DIXDC1: variants seen among roughly 807,000 people sequenced by gnomAD.
DIXDC1 encodes DIX domain containing 1.
In DIXDC1, 64 loss-of-function variants were observed where a neutral mutation model predicts 103.1. That is an observed-to-expected ratio of 0.62 (90% CI 0.51 to 0.76). DIXDC1 has a LOEUF of 0.76. DIXDC1 is among the 30% of genes least tolerant of loss of function. The probability of loss-of-function intolerance (pLI) is 0.00; values close to 1 mark genes in which losing one functional copy is unlikely to be tolerated. For synonymous variants in DIXDC1, 266 were observed against 298.5 expected (o/e 0.89, Z 1.12); for missense variants, 759 against 834.2 (o/e 0.91, Z 1.11).
intron 1 of DIXDC1, among the ~76,000 whole-genome samples, chr11:111,951,586 A>G (rs1966806444): frequency 6.6e-6 from 1 of 152,212 alleles, no homozygotes; most frequent in Non-Finnish European, 1.5e-5. Flanking sequence ...CCAAAATCAT[A>G]TAGTTTGGCT....
chr11:111,937,245 T>C (rs1966234935), upstream of DIXDC1: 2 of 1,215,266 alleles, frequency 1.6e-6, no homozygotes, highest in Non-Finnish European at 2.0e-6. Flanking sequence ...GCAGCGCCGC[T>C]CAACCTAGTG....
At chr11:112,013,309 C>T (rs1189355221) in intron 17 of DIXDC1, among the ~76,000 whole-genome samples, 3 of 4,248 alleles carry the variant, frequency 7.1e-4, no homozygotes, top group East Asian at 3.9e-3. Flanking sequence ...ATGAAGTTGA[C>T]GGGTCGGGGG....
intron 9 of DIXDC1, among the ~76,000 whole-genome samples, chr11:111,987,869 A>T (rs1344614083): frequency 2.0e-5 from 3 of 151,960 alleles, no homozygotes; most frequent in African/African-American, 7.3e-5. Context: ...TATGTTGGCC[A>T]GGCTTGTCTT....
At chr11:111,970,266 C>T (rs1356719928) in intron 3 of DIXDC1, among the ~76,000 whole-genome samples, 1 of 151,902 alleles carries the variant, frequency 6.6e-6, no homozygotes, top group African/African-American at 2.4e-5. Flanking sequence ...TGTTGGCCAG[C>T]GTGGTCTCGA....
intron 14 of DIXDC1, among the ~76,000 whole-genome samples, chr11:111,994,755 G>C (rs1592609376): frequency 6.6e-6 from 1 of 152,142 alleles, no homozygotes. Context: ...GCAGAGGCTA[G>C]GTTGGGGCCT....
intron 17 of DIXDC1, among the ~76,000 whole-genome samples, chr11:112,013,156 G>C (rs73561936): frequency 6.6e-6 from 1 of 152,042 alleles, no homozygotes; most frequent in Non-Finnish European, 1.5e-5. Flanking sequence ...GTCCTCACAT[G>C]GGGGAGAGAA....
In DIXDC1 at chr11:111,998,448, C is replaced by A. The variant is rs587670414; in HGVS notation, c.1756+2302C>A. Reference sequence around the variant, plus strand: ...TGTCTTTGGCGTCAGGTGACCTCTTCCACTCCCCTGGCTTTAACTACACTT... The same window carrying A: ...TGTCTTTGGCGTCAGGTGACCTCTTACACTCCCCTGGCTTTAACTACACTT... On this transcript the variant is annotated intron_variant, in intron 17 of 19. Coordinates refer to ENST00000440460, the MANE Select transcript of DIXDC1 (RefSeq NM_001037954.4). This position sits in a 1 kb window ranked among gnomAD's most constrained non-coding sequence, Gnocchi z 4.1. Among the ~76,000 whole-genome samples the A allele has an allele frequency of 5.3e-5, 8 of 152,342 alleles. No individual in the cohort carries two copies. The South Asian group carries it at 1.7e-3, about 32-fold the overall frequency.
chr11:111,991,309 A>G (rs1003558557), intron 10 of DIXDC1, among the ~76,000 whole-genome samples: 6 of 152,244 alleles, frequency 3.9e-5, no homozygotes, highest in African/African-American at 1.4e-4. Context: ...GTTGGCCTAA[A>G]AATGATTTAG....
chr11:112,000,024 T>C (rs919030120), intron 17 of DIXDC1, among the ~76,000 whole-genome samples: 1 of 152,098 alleles, frequency 6.6e-6, no homozygotes, highest in African/African-American at 2.4e-5. Flanking sequence ...TAATCCCAGC[T>C]ACTCGGGGGC....
chr11:112,017,858 T>A lies in DIXDC1; in HGVS notation c.1944T>A (p.Asp648Glu). Residue 648 changes from aspartate (D) to glutamate (E), a missense_variant, in exon 19 of 20, where the codon GAT (aspartate) becomes GAA (glutamate). Coordinates refer to ENST00000440460, the MANE Select transcript of DIXDC1 (RefSeq NM_001037954.4). The surrounding 1 kb of genome is among the most constrained non-coding windows in gnomAD (Gnocchi z 4.0). ...ACCGGTATCACTTCAAAGCACTGGA[T>A]CCTGAGTTTGGCACTGTCAAAGAGG... ...GNHRYHFKAL[D>E]PEFGTVKEEI... 1 of 1,610,806 alleles carries A rather than the reference T, an allele frequency of 6.2e-7. No homozygotes were observed. The highest frequency in any genetic ancestry group is 8.5e-7 in the Non-Finnish European group (1 of 1,178,190).
At chr11:111,984,442 A>T (rs1860422574) in intron 7 of DIXDC1, among the ~76,000 whole-genome samples, 1 of 152,158 alleles carries the variant, frequency 6.6e-6, no homozygotes, top group Non-Finnish European at 1.5e-5. Flanking sequence ...AGCTACTAGG[A>T]GGCTGAGACA....
chr11:111,985,474 A>T (rs1181946010), intron 8 of DIXDC1, among the ~76,000 whole-genome samples, 153 bp downstream of exon 8: 1 of 152,132 alleles, frequency 6.6e-6, no homozygotes, highest in Non-Finnish European at 1.5e-5. Flanking sequence ...TTCCTTCTTC[A>T]TTCATTTAAT....
chr11:111,972,752 G>A (rs1859976820), intron 3 of DIXDC1, among the ~76,000 whole-genome samples: 1 of 152,154 alleles, frequency 6.6e-6, no homozygotes, highest in Admixed American at 6.6e-5. Flanking sequence ...AACCACATAG[G>A]TTTCTAATAG....
chr11:111,937,139 G>GGGGGC, upstream of DIXDC1: 12 of 745,894 alleles, frequency 1.6e-5, no homozygotes, highest in Non-Finnish European at 1.8e-5. Flanking sequence ...GGCGGGGGGG[G>GGGGGC]GGTGTGCGCG....
intron 1 of DIXDC1, among the ~76,000 whole-genome samples, chr11:111,929,345 C>T (rs1239202522): frequency 6.6e-6 from 1 of 152,124 alleles, no homozygotes; most frequent in Non-Finnish European, 1.5e-5. Flanking sequence ...AAGGAAAATG[C>T]ATTGTTGCTT....
chr11:111,984,852 C>T (rs1860437550), intron 7 of DIXDC1, among the ~76,000 whole-genome samples: 1 of 152,176 alleles, frequency 6.6e-6, no homozygotes, highest in South Asian at 2.1e-4. Flanking sequence ...TTATAATACT[C>T]ATTTCTAAGC....
rs1555177770 is a variant in DIXDC1, at chr11:112,016,710, CT to C, written c.1777del (p.Ser593LeufsTer33). ...TTGTAGAGTTGCCTCACTCACAGAGCTCTCCAACTGTCAGCAGCACCTGTAC... is the reference window on the plus strand; with the variant it reads ...TTGTAGAGTTGCCTCACTCACAGAGCCTCCAACTGTCAGCAGCACCTGTAC... ...PNSKLPHSQS[S>X]PTVSSTCTKV... On this transcript the variant is annotated frameshift_variant, in exon 18 of 20. Coordinates refer to ENST00000440460, the MANE Select transcript of DIXDC1 (RefSeq NM_001037954.4). LOFTEE classifies it high-confidence loss of function. The C allele has an allele frequency of 6.2e-7, 1 of 1,605,160 alleles. No homozygotes were observed. The highest frequency in any genetic ancestry group is 1.1e-5 in the South Asian group (1 of 89,304).
chr11:111,929,683 CT>C, intron 1 of DIXDC1: 1 of 530,094 alleles, frequency 1.9e-6, no homozygotes, highest in Non-Finnish European at 3.3e-6. Context: ...AACTAGGGTC[CT>C]ATTTCTGATA....
At chr11:111,964,394 T>C (rs890955122) in intron 1 of DIXDC1, among the ~76,000 whole-genome samples, 155 bp from the exon 2 acceptor site, 3 of 152,246 alleles carry the variant, frequency 2.0e-5, no homozygotes, top group Admixed American at 2.0e-4. Context: ...CTGACCATGA[T>C]ATAATCTTTC....
Sources: gnomAD v4.1 joint callset for allele counts (sites outside exome capture counted in the v4.1 genomes callset) on GRCh38, gnomAD v4.1.1 for gene constraint, Gnocchi (gnomAD v3.1) non-coding constraint, MANE v1.5 for transcripts, NCBI Gene and HGNC (gene_info 2026-07-23, HGNC 2026-07-21) for gene names.